COL23A1: variants seen among roughly 807,000 people sequenced by gnomAD.
COL23A1 encodes the protein collagen type XXIII alpha 1 chain, also known as collagen alpha-1(XXIII) chain.
Under a neutral mutation model 99.3 loss-of-function variants are expected in COL23A1, and 97 were observed. The observed-to-expected ratio is 0.98, with a 90% CI of 0.83 to 1.16. The LOEUF (loss-of-function observed/expected upper bound fraction) is 1.16. Ranked by LOEUF, COL23A1 falls within the 50% of genes most tolerant of loss-of-function variation. COL23A1 has a pLI of 0.00. For missense variants in COL23A1, 762 were observed against 757.4 expected (o/e 1.01, Z -0.07); for synonymous variants, 320 against 308.2 (o/e 1.04, Z -0.40).
chr5:178,333,597 C>T (rs1436765316), intron 2 of COL23A1, among the ~76,000 whole-genome samples: 2 of 152,130 alleles, frequency 1.3e-5, no homozygotes, highest in South Asian at 2.1e-4. Context: ...CTCCTGGACC[C>T]GAGGCTTCAG....
chr5:178,429,675 A>G (rs1160996168), intron 2 of COL23A1, among the ~76,000 whole-genome samples: 1 of 151,486 alleles, frequency 6.6e-6, no homozygotes. Context: ...GACACTGCAC[A>G]CTCCCTACTG....
intron 2 of COL23A1, among the ~76,000 whole-genome samples, chr5:178,323,452 G>A (rs186009008): frequency 2.0e-5 from 3 of 152,130 alleles, no homozygotes; most frequent in Non-Finnish European, 4.4e-5. Flanking sequence ...GAGAGTTCTT[G>A]GTCTCCCCAG....
At chr5:178,279,477 T>C (rs1756772460) in intron 5 of COL23A1, among the ~76,000 whole-genome samples, 1 of 152,212 alleles carries the variant, frequency 6.6e-6, no homozygotes, top group East Asian at 1.9e-4. Context: ...TGTTTAAGCC[T>C]GGTCCTTCTC....
chr5:178,439,025 CA>C lies in COL23A1; in HGVS notation c.361+121656del, dbSNP rs1433074337. The stretch of plus-strand genomic sequence containing the variant: ...CTGCGCCTGAGAGCTTGACTCAGCC[CA>C]GTGTGCATTCAAATCACCTGGGAGC... On this transcript the variant is annotated intron_variant, in intron 2 of 28. Coordinates refer to ENST00000390654, the MANE Select transcript of COL23A1 (RefSeq NM_173465.4). This position sits in a 1 kb window ranked among gnomAD's most constrained non-coding sequence, Gnocchi z 4.2. 1 of 152,242 alleles carries C rather than the reference CA, an allele frequency of 6.6e-6. No individual in the cohort carries two copies. The highest frequency in any genetic ancestry group is 1.5e-5 in the Non-Finnish European group (1 of 68,066). 9.4% of individuals were successfully genotyped at this position (152,242 alleles called of 1,614,324 possible).
At chr5:178,383,718 C>CAA (rs147512126) in intron 2 of COL23A1, among the ~76,000 whole-genome samples, 3,200 of 152,268 alleles carry the variant, frequency 0.021, 96 homozygotes, top group African/African-American at 0.065. Flanking sequence ...CACAGTCCTT[C>CAA]AGTGTTAGCC....
intron 3 of COL23A1, among the ~76,000 whole-genome samples, chr5:178,301,535 G>A (rs567820021): frequency 1.3e-5 from 2 of 152,264 alleles, no homozygotes; most frequent in African/African-American, 4.8e-5. Flanking sequence ...CTAATCTAAT[G>A]TGGCTACTCT....
At chr5:178,503,303 T>C (rs572303298) in intron 2 of COL23A1, among the ~76,000 whole-genome samples, 2 of 152,134 alleles carry the variant, frequency 1.3e-5, no homozygotes, top group African/African-American at 4.8e-5. Flanking sequence ...TGAGCCGAGA[T>C]TGCACCACTG....
chr5:178,464,187 A>G (rs1756287765), intron 2 of COL23A1, among the ~76,000 whole-genome samples: 1 of 152,136 alleles, frequency 6.6e-6, no homozygotes, highest in African/African-American at 2.4e-5. Flanking sequence ...CCCAAACTGA[A>G]ATGCTATACC....
chr5:178,584,363 A>T (rs1426484463), intron 1 of COL23A1, among the ~76,000 whole-genome samples: 3 of 150,552 alleles, frequency 2.0e-5, no homozygotes, highest in African/African-American at 7.3e-5. Context: ...AATACATATA[A>T]ATTTTTTTCT....
chr5:178,381,427 G>A (rs1357258985), intron 2 of COL23A1, among the ~76,000 whole-genome samples: 3 of 152,228 alleles, frequency 2.0e-5, no homozygotes, highest in African/African-American at 7.2e-5. Context: ...ATGCCAGCAG[G>A]ACCAGCTGCT....
At chr5:178,531,275 T>C (rs1760633907) in intron 2 of COL23A1, among the ~76,000 whole-genome samples, 1 of 152,124 alleles carries the variant, frequency 6.6e-6, no homozygotes, top group Non-Finnish European at 1.5e-5. Flanking sequence ...AACTCTCCCA[T>C]TTGAGGGATG....
chr5:178,422,879 G>T, intron 2 of COL23A1, among the ~76,000 whole-genome samples: 1 of 152,140 alleles, frequency 6.6e-6, no homozygotes, highest in East Asian at 1.9e-4. Context: ...ACTTAATGAT[G>T]ATGTGACTTA....
chr5:178,328,403 C>T (rs1036670473), intron 2 of COL23A1, among the ~76,000 whole-genome samples: 3 of 152,348 alleles, frequency 2.0e-5, no homozygotes, highest in Admixed American at 2.0e-4. Context: ...AAACCAAAGT[C>T]CACGGCCACC....
intron 2 of COL23A1, among the ~76,000 whole-genome samples, chr5:178,413,443 C>G (rs1765149795): frequency 6.6e-6 from 1 of 152,204 alleles, no homozygotes; most frequent in Non-Finnish European, 1.5e-5. Flanking sequence ...ACAGAACTTT[C>G]TCAGTAAACT....
intron 11 of COL23A1, among the ~76,000 whole-genome samples, chr5:178,260,287 A>C (rs2127550957): frequency 6.6e-6 from 1 of 152,378 alleles, no homozygotes; most frequent in East Asian, 1.9e-4. Flanking sequence ...TGAGTGGGTA[A>C]ATAAACTGTG....
chr5:178,517,884 T>C (rs1219478898), intron 2 of COL23A1, among the ~76,000 whole-genome samples: 1 of 62,102 alleles, frequency 1.6e-5, no homozygotes, highest in African/African-American at 3.4e-5. Flanking sequence ...TTTTTTTTTT[T>C]TTTTTTTTTT....
chr5:178,557,877 G>T (rs1011961651), intron 2 of COL23A1, among the ~76,000 whole-genome samples: 2 of 152,024 alleles, frequency 1.3e-5, no homozygotes, highest in Admixed American at 1.3e-4. Context: ...TGGTCTAAGG[G>T]GCTCTCGAGG....
At chr5:178,547,461 A>ACACACCCC (rs1554194019) in intron 2 of COL23A1, among the ~76,000 whole-genome samples, 3 of 52,178 alleles carry the variant, frequency 5.7e-5, no homozygotes, top group East Asian at 8.4e-4. Flanking sequence ...ACGTGTGGGC[A>ACACACCCC]CACACACCCA....
chr5:178,430,656 A>G (rs1416188099), intron 2 of COL23A1, among the ~76,000 whole-genome samples: 1 of 152,186 alleles, frequency 6.6e-6, no homozygotes, highest in Non-Finnish European at 1.5e-5. Context: ...AAGGAAACTA[A>G]CAAAGTTGGA....
Sources: gnomAD v4.1 joint callset for allele counts (sites outside exome capture counted in the v4.1 genomes callset) on GRCh38, gnomAD v4.1.1 for gene constraint, Gnocchi (gnomAD v3.1) non-coding constraint, MANE v1.5 for transcripts, NCBI Gene and HGNC (gene_info 2026-07-23, HGNC 2026-07-21) for gene names.